NF1: variants seen among roughly 807,000 people sequenced by gnomAD.
NF1 encodes the protein neurofibromin.
Under a neutral mutation model 325.7 loss-of-function variants are expected in NF1, and 122 were observed. The ratio of observed to expected loss-of-function variants is 0.37; its 90% confidence interval spans 0.32 to 0.44. NF1 has a LOEUF of 0.44. Ranked by LOEUF, NF1 falls within the 20% of genes least tolerant of loss-of-function variation. The pLI, the probability that NF1 is intolerant of heterozygous loss-of-function variation, is 1.00. For missense variants in NF1, 2,140 were observed against 3,415.4 expected (o/e 0.63, Z 9.31); for synonymous variants, 1,091 against 1,186.0 (o/e 0.92, Z 1.65).
At chr17:31,201,609 G>T in intron 11 of NF1, 124 bp downstream of exon 11, 1 of 720,454 alleles carries the variant, frequency 1.4e-6, no homozygotes, top group South Asian at 1.6e-5. Context: ...GTATGAAATA[G>T]GAAAATTTCT....
chr17:31,314,290 A>T, intron 36 of NF1: 1 of 289,852 alleles, frequency 3.5e-6, no homozygotes, highest in East Asian at 5.7e-5. Context: ...ATGATTATGT[A>T]AATTAAATAT....
chr17:31,156,345 T>A (rs1474303487), intron 2 of NF1, among the ~76,000 whole-genome samples: 1 of 152,200 alleles, frequency 6.6e-6, no homozygotes, highest in Non-Finnish European at 1.5e-5. Context: ...CAAGTAACTG[T>A]AACTTTCATT....
chr17:31,358,128 A>G lies in NF1; in HGVS notation c.7971-352A>G. The G allele has an allele frequency of 2.0e-5, 7 of 350,938 alleles. 1 individual carries two copies. The highest frequency in any genetic ancestry group is 1.8e-4 in the South Asian group (7 of 38,848). The allele number at this position is 350,938 out of a possible 1,614,324, so 21.7% of individuals were successfully genotyped here. A position where few individuals can be genotyped will look rare whatever the true frequency, so the allele number is the denominator to read the frequency against. ...TTTAACTTCCTAAGCGCATGTCAGT[A>G]TACAACAGATGGAAATAGTACTAAA... On this transcript the variant is annotated intron_variant, in intron 54 of 57. Transcript: ENST00000358273.
chr17:31,247,571 G>A (rs1317162123), intron 29 of NF1, among the ~76,000 whole-genome samples: 1 of 152,066 alleles, frequency 6.6e-6, no homozygotes. Context: ...GATTGGAGGG[G>A]AATAAGAATT....
chr17:31,331,914 A>T (rs1480790232), intron 39 of NF1: 3 of 133,386 alleles, frequency 2.2e-5, no homozygotes, highest in East Asian at 2.1e-4. Context: ...TAAAAAAAAA[A>T]AAAAAAAAAA....
At chr17:31,235,839 T>C in intron 28 of NF1, 67 bp downstream of exon 28, 1 of 1,610,578 alleles carries the variant, frequency 6.2e-7, no homozygotes, top group African/African-American at 1.3e-5. Flanking sequence ...ATGTACAGAA[T>C]GTGCAGGGCT....
intron 36 of NF1, among the ~76,000 whole-genome samples, chr17:31,273,016 T>G (rs1051699787): frequency 1.3e-5 from 2 of 152,098 alleles, no homozygotes; most frequent in African/African-American, 2.4e-5. Flanking sequence ...TTGGCATTTT[T>G]CTATTTAAAA....
intron 36 of NF1, among the ~76,000 whole-genome samples, chr17:31,276,645 T>C (rs927194407): frequency 6.6e-6 from 1 of 152,210 alleles, no homozygotes; most frequent in African/African-American, 2.4e-5. Context: ...GCAGAAATAT[T>C]GATGAGATTG....
intron 1 of NF1, among the ~76,000 whole-genome samples, chr17:31,148,141 A>G (rs953975892): frequency 6.6e-6 from 1 of 152,100 alleles, no homozygotes; most frequent in African/African-American, 2.4e-5. Flanking sequence ...TTTATATTTC[A>G]TCTTTTGTTA....
At chr17:31,142,850 G>C (rs1916330154) in intron 1 of NF1, among the ~76,000 whole-genome samples, 1 of 146,902 alleles carries the variant, frequency 6.8e-6, no homozygotes, top group South Asian at 2.2e-4. Context: ...CTGGGCGATA[G>C]AGCGAGACTC....
intron 14 of NF1, among the ~76,000 whole-genome samples, chr17:31,220,949 T>C (rs1567844680): frequency 6.6e-6 from 1 of 152,150 alleles, no homozygotes; most frequent in South Asian, 2.1e-4. Context: ...TTCTCAACAA[T>C]TAATTGCAAT....
intron 36 of NF1, among the ~76,000 whole-genome samples, chr17:31,290,036 C>T (rs2068315956): frequency 6.6e-6 from 1 of 151,938 alleles, no homozygotes; most frequent in African/African-American, 2.4e-5. Flanking sequence ...TGTAAACATT[C>T]TTTTTATGTC....
At chr17:31,240,444 T>C (rs2067276333) in intron 29 of NF1, among the ~76,000 whole-genome samples, 1 of 152,252 alleles carries the variant, frequency 6.6e-6, no homozygotes, top group African/African-American at 2.4e-5. Context: ...TACTCCGTTG[T>C]GTATATGTAC....
At chr17:31,109,515 C>T (rs1913217600) in intron 1 of NF1, among the ~76,000 whole-genome samples, 1 of 151,926 alleles carries the variant, frequency 6.6e-6, no homozygotes, top group African/African-American at 2.4e-5. Flanking sequence ...TTTCGAGTAG[C>T]TGGGATTACA....
rs2070737804 is a variant in NF1 at position 31,376,810 on chromosome 17, G to A, written c.*2655G>A. Reference sequence around the variant, plus strand: ...TTGTCCTGGATAATCTACCTGTTATGCCAGTACTCCCATCCGAGGGGCATG... The same window carrying A: ...TTGTCCTGGATAATCTACCTGTTATACCAGTACTCCCATCCGAGGGGCATG... On this transcript the variant is annotated 3_prime_UTR_variant, in exon 58 of 58. Transcript: ENST00000358273. The A allele has an allele frequency of 1.3e-5, 3 of 233,084 alleles. No homozygotes were observed. Among genetic ancestry groups the A allele is most frequent in the African/African-American group, 2.2e-5 (1 of 45,334 alleles). 14.4% of individuals were successfully genotyped at this position (233,084 alleles called of 1,614,324 possible).
At chr17:31,126,293 G>A (rs192436847) in intron 1 of NF1, among the ~76,000 whole-genome samples, 13 of 152,182 alleles carry the variant, frequency 8.5e-5, no homozygotes, top group Non-Finnish European at 1.3e-4. Context: ...GTTTCTTTTC[G>A]GATATTCATA....
At chr17:31,283,002 A>T (rs187121101) in intron 36 of NF1, among the ~76,000 whole-genome samples, 335 of 152,358 alleles carry the variant, frequency 2.2e-3, no homozygotes, top group African/African-American at 7.7e-3. Flanking sequence ...TTACTGTTTA[A>T]CAATGACCAT....
intron 46 of NF1, among the ~76,000 whole-genome samples, chr17:31,339,347 G>A (rs1044043023): frequency 2.0e-5 from 3 of 152,138 alleles, no homozygotes; most frequent in African/African-American, 7.2e-5. Flanking sequence ...AAATGAAGTG[G>A]CCACTGTTTT....
intron 1 of NF1, 130 bp from the exon 2 acceptor site, chr17:31,155,853 G>A (rs2143622503): frequency 9.8e-7 from 1 of 1,017,304 alleles, no homozygotes; most frequent in South Asian, 1.5e-5. Flanking sequence ...CGGAGTTTGA[G>A]ATGCAAGTAT....
Sources: gnomAD v4.1 joint callset for allele counts (sites outside exome capture counted in the v4.1 genomes callset) on GRCh38, gnomAD v4.1.1 for gene constraint, MANE v1.5 for transcripts, NCBI Gene and HGNC (gene_info 2026-07-23, HGNC 2026-07-21) for gene names.